Variants in TMEM131 observed in about 807,000 individuals in gnomAD.
The protein encoded by TMEM131 is 2610524E03Rik.
Under a neutral mutation model 211.6 loss-of-function variants are expected in TMEM131, and 66 were observed. The ratio of observed to expected loss-of-function variants is 0.31; its 90% CI spans 0.26 to 0.38. The LOEUF (loss-of-function observed/expected upper bound fraction) is 0.38. Among genes scored for constraint, TMEM131 ranks in the 10% least tolerant of loss-of-function variants. The pLI, the probability that TMEM131 is intolerant of heterozygous loss-of-function variation, is 1.00. For synonymous variants in TMEM131, 844 were observed against 841.3 expected (o/e 1.00, Z -0.06); for missense variants, 2,036 against 2,299.3 (o/e 0.89, Z 2.34).
At chr2:97,838,133 C>A (rs1470291466) in intron 7 of TMEM131, among the ~76,000 whole-genome samples, 1 of 152,142 alleles carries the variant, frequency 6.6e-6, no homozygotes, top group African/African-American at 2.4e-5. Context: ...TTTCCAATGT[C>A]TGGCCATTAA....
At chr2:97,824,458 G>T (rs903960593) in intron 11 of TMEM131, among the ~76,000 whole-genome samples, 6 of 152,236 alleles carry the variant, frequency 3.9e-5, no homozygotes, top group Admixed American at 3.9e-4. Context: ...GGGACAGCCT[G>T]TAACCAGGTA....
intron 37 of TMEM131, 26 bp from the exon 38 acceptor site, chr2:97,760,715 G>A: frequency 6.2e-7 from 1 of 1,613,982 alleles, no homozygotes; most frequent in Non-Finnish European, 8.5e-7. Context: ...TTCAATCAAT[G>A]GAAGGCACAT....
chr2:97,950,097 C>T (rs1678233524), intron 1 of TMEM131, among the ~76,000 whole-genome samples: 2 of 152,164 alleles, frequency 1.3e-5, no homozygotes, highest in African/African-American at 4.8e-5. Flanking sequence ...GTCTTTCTTA[C>T]AGAATATCCA....
chr2:97,969,431 C>A (rs1056540993), intron 1 of TMEM131, among the ~76,000 whole-genome samples: 1 of 152,170 alleles, frequency 6.6e-6, no homozygotes, highest in Admixed American at 6.5e-5. Context: ...TCTGTTACTT[C>A]TTTCCTTCTC....
chr2:97,793,687 T>C, intron 29 of TMEM131, 134 bp from the exon 30 acceptor site: 1 of 925,714 alleles, frequency 1.1e-6, no homozygotes, highest in Non-Finnish European at 1.6e-6. Flanking sequence ...CTGTGACAAC[T>C]TTTAACAGAC....
intron 5 of TMEM131, among the ~76,000 whole-genome samples, chr2:97,845,916 G>A (rs1573451409): frequency 6.6e-6 from 1 of 152,224 alleles, no homozygotes; most frequent in Middle Eastern, 3.4e-3. Context: ...CACACAAAAA[G>A]AATGATAAAG....
At chr2:97,960,154 A>AAG (rs1553620490) in intron 1 of TMEM131, among the ~76,000 whole-genome samples, 1 of 151,568 alleles carries the variant, frequency 6.6e-6, no homozygotes, top group Admixed American at 6.6e-5. Flanking sequence ...TTTGTAATAG[A>AAG]TAATTCATAA....
intron 1 of TMEM131, among the ~76,000 whole-genome samples, chr2:97,941,346 T>C (rs560139353): frequency 8.5e-5 from 13 of 152,266 alleles, no homozygotes; most frequent in African/African-American, 2.9e-4. Flanking sequence ...AAGACTTACA[T>C]GTTAGACCTA....
intron 4 of TMEM131, among the ~76,000 whole-genome samples, chr2:97,877,853 C>G (rs1034289459): frequency 6.6e-6 from 1 of 152,078 alleles, no homozygotes. Flanking sequence ...AAAATTGACA[C>G]ATGGGATCTA....
rs147501248 is a variant in TMEM131, at chr2:97,982,529, T to C, written c.187+12947A>G. On this transcript the variant is annotated intron_variant, in intron 1 of 40. Transcript: ENST00000186436. ...TTCAAATTTTGATGTCTACTTTATC[T>C]ATTTTCTCCCCTTTTGTTGTTTGTG... Among the ~76,000 whole-genome samples the C allele has an allele frequency of 5.4e-3, 816 of 152,344 alleles. 2 individuals are homozygous for C. The highest frequency in any genetic ancestry group is 0.014 in the South Asian group (67 of 4,834).
intron 1 of TMEM131, among the ~76,000 whole-genome samples, chr2:97,957,051 C>G (rs1157867099): frequency 6.6e-6 from 1 of 150,620 alleles, no homozygotes; most frequent in African/African-American, 2.5e-5. Flanking sequence ...AAGCCGAGAT[C>G]GCGCCACTGC....
chr2:97,967,775 C>G (rs1679120683), intron 1 of TMEM131, among the ~76,000 whole-genome samples: 1 of 152,142 alleles, frequency 6.6e-6, no homozygotes, highest in Non-Finnish European at 1.5e-5. Context: ...GGATAAGTAA[C>G]TTGTACAAGG....
chr2:97,865,914 G>A (rs1404056126), intron 4 of TMEM131, among the ~76,000 whole-genome samples: 2 of 151,970 alleles, frequency 1.3e-5, no homozygotes, highest in African/African-American at 2.4e-5. Flanking sequence ...ATGGAGTCTC[G>A]CTCTGTCACC....
At position 97,797,481 on chromosome 2, in the gene TMEM131, C is replaced by A; in HGVS notation, c.2754G>T (p.Glu918Asp). 6.2e-7 allele frequency: 1 copy of A among 1,613,514 alleles called. No individual in the cohort carries two copies. Among genetic ancestry groups the A allele is most frequent in the Admixed American group, 1.7e-5 (1 of 59,988 alleles). Residue 918 changes from glutamate (E) to aspartate (D), a missense_variant, in exon 26 of 41, where the codon GAG becomes GAT. This residue lies in a region of TMEM131 where 1,623 missense variants were observed against 1,805.9 expected (regional missense o/e 0.90). Transcript: ENST00000186436. ...HPLQSSTGFM[E>D]GLSRHLILNL... is the part of the protein sequence containing the mutation. ...TTAAAATTAAATGTCGAGAGAGGCC[C>A]TCCATAAATCCTGTTGAACTCTGCA...
chr2:97,793,659 A>C (rs1680609142), intron 29 of TMEM131, 106 bp from the exon 30 acceptor site: 9 of 1,173,164 alleles, frequency 7.7e-6, no homozygotes, highest in Non-Finnish European at 1.1e-5. Flanking sequence ...AATATGATGT[A>C]ATAGAAAACC....
rs58691520 is a variant in TMEM131, at chr2:97,985,368, TAC to T, written c.187+10106_187+10107del. 4.2e-3 allele frequency among the ~76,000 whole-genome samples: 635 copies of T among 150,962 alleles called. 6 individuals are homozygous for T. Among genetic ancestry groups the T allele is most frequent in the East Asian group, 0.04 (206 of 5,158 alleles). On this transcript the variant is annotated intron_variant, in intron 1 of 40. Coordinates refer to ENST00000186436, the MANE Select transcript of TMEM131 (RefSeq NM_015348.2). ...GTTTTACTTAATACATATATATATA[TAC>T]ACACACACACACAGACTTAGGAGAA...
At chr2:97,881,350 G>A (rs1674921219) in intron 4 of TMEM131, among the ~76,000 whole-genome samples, 1 of 151,652 alleles carries the variant, frequency 6.6e-6, no homozygotes, top group African/African-American at 2.4e-5. Flanking sequence ...GGGACTACAG[G>A]TGCACACCAC....
intron 2 of TMEM131, among the ~76,000 whole-genome samples, chr2:97,916,450 A>T (rs533099107): frequency 1.9e-4 from 29 of 152,358 alleles, no homozygotes; most frequent in Middle Eastern, 3.4e-3. Flanking sequence ...GCATTCTGCC[A>T]ACTACAAGGA....
At chr2:97,809,568 G>A in intron 19 of TMEM131, 120 bp downstream of exon 19, 1 of 708,370 alleles carries the variant, frequency 1.4e-6, no homozygotes. Flanking sequence ...CTGGTATAAT[G>A]TCTTTAAAAT....
Sources: gnomAD v4.1 joint callset for allele counts (sites outside exome capture counted in the v4.1 genomes callset) on GRCh38, gnomAD v4.1.1 for gene constraint, gnomAD v4.1.1 regional missense constraint, MANE v1.5 for transcripts, NCBI Gene and HGNC (gene_info 2026-07-23, HGNC 2026-07-21) for gene names.